The following VWA3B variants were observed in gnomAD, a reference collection of about 807,000 sequenced individuals.
The protein encoded by VWA3B is von Willebrand factor A domain containing 3B.
A neutral mutation model predicts 158.3 loss-of-function variants in VWA3B; 138 were observed. That is an observed-to-expected ratio of 0.87 (90% CI 0.76 to 1.00). The LOEUF is 1.00. VWA3B is among the 50% of genes least tolerant of loss of function. The pLI is 0.00. For synonymous variants in VWA3B, 596 were observed against 587.3 expected (o/e 1.01, Z -0.21); for missense variants, 1,555 against 1,565.1 (o/e 0.99, Z 0.11).
intron 7 of VWA3B, among the ~76,000 whole-genome samples, chr2:98,144,598 G>T (rs183377630): frequency 2.0e-4 from 30 of 149,782 alleles, no homozygotes; most frequent in Non-Finnish European, 7.4e-5. Context: ...ATGGAGTCTT[G>T]CTCTGTGGCC....
At chr2:98,231,856 T>A (rs1442447919) in intron 16 of VWA3B, among the ~76,000 whole-genome samples, 1 of 152,218 alleles carries the variant, frequency 6.6e-6, no homozygotes, top group Non-Finnish European at 1.5e-5. Context: ...TTAGTCTCAG[T>A]GTATAATTAT....
intron 21 of VWA3B, among the ~76,000 whole-genome samples, chr2:98,270,380 A>G (rs75512846): frequency 6.6e-6 from 1 of 152,242 alleles, no homozygotes; most frequent in African/African-American, 2.4e-5. Flanking sequence ...AGAAAAAAAA[A>G]TGCTGAAAAT....
chr2:98,256,635 A>G (rs974138174), intron 21 of VWA3B, among the ~76,000 whole-genome samples: 3 of 152,102 alleles, frequency 2.0e-5, no homozygotes, highest in Admixed American at 6.5e-5. Context: ...ATCATGAACT[A>G]TGTTGCTATA....
intron 8 of VWA3B, among the ~76,000 whole-genome samples, chr2:98,179,697 CT>C (rs1270161183): frequency 2.0e-5 from 3 of 151,286 alleles, no homozygotes; most frequent in Admixed American, 6.6e-5. Flanking sequence ...CTCTTCCTTT[CT>C]TTTTCTTTCT....
intron 13 of VWA3B, 76 bp downstream of exon 13, chr2:98,212,104 C>A: frequency 1.5e-6 from 2 of 1,329,878 alleles, no homozygotes; most frequent in Non-Finnish European, 2.1e-6. Context: ...GTCTGGGGGA[C>A]CTTTTCAGCT....
chr2:98,196,277 T>G (rs550248825), intron 12 of VWA3B, among the ~76,000 whole-genome samples: 1 of 152,314 alleles, frequency 6.6e-6, no homozygotes, highest in African/African-American at 2.4e-5. Flanking sequence ...TTAAGTGTTC[T>G]CACCACTCAA....
chr2:98,258,845 T>C (rs990651707), intron 21 of VWA3B, among the ~76,000 whole-genome samples: 4 of 151,880 alleles, frequency 2.6e-5, no homozygotes, highest in African/African-American at 7.2e-5. Context: ...CTAATTGATC[T>C]AGCTAGTACT....
chr2:98,156,795 A>G (rs796650176), intron 7 of VWA3B, among the ~76,000 whole-genome samples: 37 of 152,122 alleles, frequency 2.4e-4, no homozygotes, highest in African/African-American at 8.0e-4. Context: ...CCTAAGTAGA[A>G]TAGATTTATT....
At chr2:98,291,763 T>C (rs879317447) in intron 23 of VWA3B, 1 of 152,224 alleles carries the variant, frequency 6.6e-6, no homozygotes, top group African/African-American at 2.4e-5. Flanking sequence ...TGCAACATGA[T>C]GAATTGCAGG....
intron 21 of VWA3B, among the ~76,000 whole-genome samples, chr2:98,259,161 G>C (rs1687332157): frequency 6.6e-6 from 1 of 151,636 alleles, no homozygotes. Context: ...TTTTGGATTT[G>C]ATTTGCTAGT....
At chr2:98,325,228 C>A in the VWA3B span, among the ~76,000 whole-genome samples, 268 of 151,984 alleles carry the variant, frequency 1.8e-3, no homozygotes, top group African/African-American at 5.7e-3. Flanking sequence ...CCGTCATAGT[C>A]ACAATGTTGA....
intron 12 of VWA3B, 45 bp downstream of exon 12, chr2:98,194,537 A>T: frequency 6.2e-7 from 1 of 1,600,474 alleles, no homozygotes; most frequent in Middle Eastern, 1.7e-4. Context: ...GGAGTCTCTC[A>T]CCTGTGTACT....
chr2:98,177,447 G>A (rs747210113), intron 8 of VWA3B, among the ~76,000 whole-genome samples: 1 of 152,106 alleles, frequency 6.6e-6, no homozygotes, highest in Non-Finnish European at 1.5e-5. Context: ...GAAAAGGAAA[G>A]GACCCCTTAG....
Position 98,203,807 on chromosome 2 carries a change from G to T in VWA3B, c.1738-8123G>T, listed in dbSNP as rs534359886. Among the ~76,000 whole-genome samples the T allele has an allele frequency of 1.7e-4, 26 of 152,226 alleles. No individual in the cohort carries two copies. The South Asian group carries it at 5.4e-3, about 32-fold the overall frequency. On this transcript the variant is annotated intron_variant, in intron 12 of 27. Transcript: ENST00000477737. The stretch of plus-strand genomic sequence containing the variant: ...CCTTAGTAGGCTTACGTACTATTTC[G>T]CTTTTTGTTTTTTGTGTATGGTAAG...
intron 16 of VWA3B, among the ~76,000 whole-genome samples, chr2:98,234,165 G>T (rs1685518581): frequency 1.3e-5 from 2 of 152,220 alleles, no homozygotes; most frequent in Non-Finnish European, 2.9e-5. Flanking sequence ...CCTAGACAGA[G>T]TTATCTAGGT....
At chr2:98,280,273 A>C (rs561308402) in intron 22 of VWA3B, among the ~76,000 whole-genome samples, 12 of 152,282 alleles carry the variant, frequency 7.9e-5, no homozygotes, top group East Asian at 5.8e-4. Flanking sequence ...ATAGGGAAAT[A>C]GTTTTGGATT....
intron 24 of VWA3B, among the ~76,000 whole-genome samples, chr2:98,298,715 G>A (rs918095977): frequency 3.9e-5 from 6 of 152,242 alleles, no homozygotes; most frequent in African/African-American, 1.4e-4. Flanking sequence ...TGGAACACAG[G>A]AATGAAGCTG....
At position 98,255,272 on chromosome 2, in the gene VWA3B, T is replaced by A. The variant is rs564310447; in HGVS notation, c.2793-852T>A. Among the ~76,000 whole-genome samples, 390 of 136,020 alleles carry A rather than the reference T, an allele frequency of 2.9e-3. 4 individuals are homozygous for A. The highest frequency in any genetic ancestry group is 0.01 in the African/African-American group (370 of 35,916). The allele number at this position is 136,020 out of a possible 152,430, so 89.2% of individuals were successfully genotyped here. On this transcript the variant is annotated intron_variant, in intron 20 of 27. Coordinates refer to ENST00000477737, the MANE Select transcript of VWA3B (RefSeq NM_144992.5). ...GTCTCGAACTCCTGACCTCAGGTGATCCGCCCGCCTCGGCCTCCCAAAGTG... is the reference window on the plus strand; with the variant it reads ...GTCTCGAACTCCTGACCTCAGGTGAACCGCCCGCCTCGGCCTCCCAAAGTG...
chr2:98,226,018 C>G (rs971252224), intron 14 of VWA3B, among the ~76,000 whole-genome samples: 1 of 152,216 alleles, frequency 6.6e-6, no homozygotes, highest in South Asian at 2.1e-4. Context: ...CCAGCTTGAT[C>G]TATAGGTTTA....
Sources: gnomAD v4.1 joint callset for allele counts (sites outside exome capture counted in the v4.1 genomes callset) on GRCh38, gnomAD v4.1.1 for gene constraint, MANE v1.5 for transcripts, NCBI Gene and HGNC (gene_info 2026-07-23, HGNC 2026-07-21) for gene names.